The following PAAF1 variants were observed in gnomAD, a reference collection of about 807,000 sequenced individuals.
PAAF1 encodes proteasomal ATPase associated factor 1.
PAAF1 carries 46 observed loss-of-function variants against 52.8 expected under a neutral mutation model. The ratio of observed to expected loss-of-function variants is 0.87; its 90% CI spans 0.69 to 1.11. The LOEUF (loss-of-function observed/expected upper bound fraction) is 1.11. PAAF1 is among the 50% of genes most tolerant of loss of function. The probability of loss-of-function intolerance (pLI) is 0.00; values close to 1 mark genes in which losing one functional copy is unlikely to be tolerated. For synonymous variants in PAAF1, 178 were observed against 172.8 expected, an observed-to-expected ratio of 1.03 and a Z score of -0.24; for missense variants, 424 against 477.4, an observed-to-expected ratio of 0.89 and a Z score of 1.04.
At chr11:73,900,077 C>T (rs1348161043) in intron 5 of PAAF1, among the ~76,000 whole-genome samples, 193 bp from the exon 6 acceptor site, 2 of 151,026 alleles carry the variant, frequency 1.3e-5, no homozygotes, top group Non-Finnish European at 2.9e-5. Flanking sequence ...TAGCTGAATT[C>T]GAGGAAACAC....
intron 10 of PAAF1, chr11:73,921,560 C>T: frequency 1.8e-6 from 1 of 550,622 alleles, no homozygotes; most frequent in South Asian, 1.6e-5. Flanking sequence ...CTTCTCTCTT[C>T]TGTATAAAAC....
intron 6 of PAAF1, among the ~76,000 whole-genome samples, chr11:73,901,332 G>GA (rs951321308): frequency 6.6e-6 from 1 of 152,090 alleles, no homozygotes; most frequent in African/African-American, 2.4e-5. Context: ...GTTTTGTGGG[G>GA]AAAAAATATT....
At chr11:73,898,107 G>A (rs548150853) in intron 4 of PAAF1, among the ~76,000 whole-genome samples, 1 of 152,052 alleles carries the variant, frequency 6.6e-6, no homozygotes, top group South Asian at 2.1e-4. Flanking sequence ...CAGGCAGGGA[G>A]GTTGCAGTGA....
rs112595258 is a variant in PAAF1, at chr11:73,927,875, C to T, written c.*513C>T. ...GCAATAAATGTCCTGTAAGCTGCCA[C>T]CTGGGAGAGATTCTTATGCAGGTGG... On this transcript the variant is annotated 3_prime_UTR_variant, in exon 12 of 12. Transcript: ENST00000310571. 314 of 154,982 alleles carry T rather than the reference C, an allele frequency of 2.0e-3. 3 individuals are homozygous for T. The highest frequency in any genetic ancestry group is 7.0e-3 in the African/African-American group (291 of 41,562). The allele number at this position is 154,982 out of a possible 1,614,324, so 9.6% of individuals were successfully genotyped here.
intron 10 of PAAF1, among the ~76,000 whole-genome samples, chr11:73,921,004 T>G (rs1950201675): frequency 6.6e-6 from 1 of 151,684 alleles, no homozygotes; most frequent in African/African-American, 2.4e-5. Flanking sequence ...ATTTTACTGA[T>G]TATTAACATC....
intron 1 of PAAF1, 98 bp from the exon 2 acceptor site, chr11:73,878,681 C>T: frequency 1.9e-6 from 2 of 1,052,992 alleles, no homozygotes; most frequent in East Asian, 2.4e-5. Context: ...AGTACTATGA[C>T]CAAGCTGGAG....
At chr11:73,917,237 T>C (rs1049513426) in intron 9 of PAAF1, among the ~76,000 whole-genome samples, 2 of 152,088 alleles carry the variant, frequency 1.3e-5, no homozygotes, top group Non-Finnish European at 2.9e-5. Context: ...GTCAGGCTGA[T>C]CTCGAATTCC....
chr11:73,890,483 A>G (rs1415705269), intron 3 of PAAF1, among the ~76,000 whole-genome samples: 8 of 152,212 alleles, frequency 5.3e-5, no homozygotes, highest in Admixed American at 5.2e-4. Flanking sequence ...CTGTGTTACA[A>G]CAACCAGTCT....
chr11:73,882,177 C>T (rs554618945), intron 2 of PAAF1, among the ~76,000 whole-genome samples: 17 of 150,644 alleles, frequency 1.1e-4, no homozygotes, highest in African/African-American at 2.4e-4. Context: ...CACTGTGCCC[C>T]GCAATTTTTT....
intron 8 of PAAF1, among the ~76,000 whole-genome samples, chr11:73,915,816 T>C (rs1428576959): frequency 6.6e-6 from 1 of 152,160 alleles, no homozygotes; most frequent in Non-Finnish European, 1.5e-5. Context: ...GGCCACAGGG[T>C]TTGCTGTTTT....
At chr11:73,909,967 G>T (rs940881363) in intron 7 of PAAF1, among the ~76,000 whole-genome samples, 10 of 152,234 alleles carry the variant, frequency 6.6e-5, no homozygotes, top group African/African-American at 2.4e-4. Context: ...AATATTTTAA[G>T]AAAGTTTATG....
chr11:73,896,954 C>T (rs187607223), intron 4 of PAAF1, among the ~76,000 whole-genome samples: 2,667 of 144,500 alleles, frequency 0.018, 118 homozygotes, highest in African/African-American at 0.066. Flanking sequence ...CCCTCCCCGA[C>T]GGGGCGGCTG....
chr11:73,922,412 A>C (rs1950245596), intron 10 of PAAF1, among the ~76,000 whole-genome samples: 1 of 152,168 alleles, frequency 6.6e-6, no homozygotes, highest in African/African-American at 2.4e-5. Context: ...TCTTTTCCTT[A>C]AGAAAGAAGC....
intron 6 of PAAF1, among the ~76,000 whole-genome samples, chr11:73,904,624 T>G (rs531809646): frequency 3.9e-5 from 6 of 152,292 alleles, no homozygotes; most frequent in Admixed American, 2.0e-4. Flanking sequence ...TAGGAGGTGC[T>G]TCAAGGCTTA....
At chr11:73,902,288 T>C (rs1949643072) in intron 6 of PAAF1, among the ~76,000 whole-genome samples, 1 of 152,202 alleles carries the variant, frequency 6.6e-6, no homozygotes, top group Admixed American at 6.5e-5. Context: ...ACGGGTACAT[T>C]GAGAGGGAAT....
Position 73,891,309 on chromosome 11 carries a change from T to G in PAAF1, c.282+108T>G. On this transcript the variant is annotated intron_variant, in intron 4 of 11. Coordinates refer to ENST00000310571, the MANE Select transcript of PAAF1 (RefSeq NM_025155.3). ...ATTCATAATTAATATGTCTTTCATT[T>G]ACTTTGCATTGTAAGATGATACAGC... is the stretch of plus-strand genomic sequence containing the variant. 6.1e-6 allele frequency: 4 copies of G among 650,944 alleles called. No homozygotes were observed. In the South Asian group the frequency reaches 7.7e-5, roughly 12 times the overall value. The allele number at this position is 650,944 out of a possible 1,614,324, so 40.3% of individuals were successfully genotyped here.
At chr11:73,881,225 T>G (rs550970017) in intron 2 of PAAF1, among the ~76,000 whole-genome samples, 1 of 152,230 alleles carries the variant, frequency 6.6e-6, no homozygotes, top group East Asian at 1.9e-4. Flanking sequence ...AAACATCAAC[T>G]GGGGTTTATA....
At chr11:73,916,233 G>C (rs1292580835) in intron 8 of PAAF1, among the ~76,000 whole-genome samples, 2 of 152,122 alleles carry the variant, frequency 1.3e-5, no homozygotes, top group Non-Finnish European at 2.9e-5. Flanking sequence ...TCATGAAAAA[G>C]GGGCAAAGAA....
intron 4 of PAAF1, 41 bp downstream of exon 4, chr11:73,891,242 G>A (rs776764830): frequency 2.5e-6 from 3 of 1,179,730 alleles, no homozygotes; most frequent in Non-Finnish European, 3.7e-6. Flanking sequence ...GTAATAGCAT[G>A]TTAATTTTTC....
Sources: allele counts gnomAD v4.1 joint callset (sites outside exome capture counted in the v4.1 genomes callset), GRCh38; gene constraint gnomAD v4.1.1; transcripts MANE v1.5; gene names NCBI Gene and HGNC (gene_info 2026-07-23, HGNC 2026-07-21).